The following PDXDC1 variants were observed in gnomAD, a reference collection of about 807,000 sequenced individuals.
PDXDC1 encodes pyridoxal-dependent decarboxylase domain-containing protein 1.
A neutral mutation model predicts 100.1 loss-of-function variants in PDXDC1; 42 were observed. The ratio of observed to expected loss-of-function variants is 0.42; its 90% CI spans 0.33 to 0.54. PDXDC1 has a LOEUF of 0.54. Among genes scored for constraint, PDXDC1 ranks in the 20% least tolerant of loss-of-function variants. The pLI, the probability that PDXDC1 is intolerant of heterozygous loss-of-function variation, is 0.10. For synonymous variants in PDXDC1, 260 were observed against 371.7 expected (o/e 0.70, Z 3.46); for missense variants, 636 against 979.2 (o/e 0.65, Z 4.68).
chr16:15,031,112 A>ATTTTT (rs771115923), intron 16 of PDXDC1, among the ~76,000 whole-genome samples: 1 of 73,958 alleles, frequency 1.4e-5, no homozygotes, highest in Non-Finnish European at 2.5e-5. Flanking sequence ...CACCACATCT[A>ATTTTT]TTTTTTTTTT....
At chr16:15,066,919 G>A (rs567617933) in intron 16 of PDXDC1, among the ~76,000 whole-genome samples, 1 of 151,652 alleles carries the variant, frequency 6.6e-6, no homozygotes, top group South Asian at 2.1e-4. Context: ...ACCCCAAATC[G>A]AGAGCCCCTG....
chr16:15,083,660 A>C, intron 16 of PDXDC1: 1 of 1,568,990 alleles, frequency 6.4e-7, no homozygotes, highest in Non-Finnish European at 8.7e-7. Flanking sequence ...TACCATTCTA[A>C]AAGCAAATAT....
intron 16 of PDXDC1, among the ~76,000 whole-genome samples, chr16:15,049,322 C>A (rs1353147834): frequency 6.6e-6 from 1 of 152,202 alleles, no homozygotes; most frequent in Non-Finnish European, 1.5e-5. Flanking sequence ...AGCCACCATA[C>A]CTGGCCTCCG....
At chr16:15,029,200 A>G in intron 15 of PDXDC1, 1 of 631,348 alleles carries the variant, frequency 1.6e-6, no homozygotes, top group South Asian at 1.9e-5. Flanking sequence ...GCTGCTGTAT[A>G]AGGCTGTGAG....
intron 12 of PDXDC1, among the ~76,000 whole-genome samples, chr16:15,021,578 G>A (rs1318263871): frequency 6.6e-5 from 10 of 152,282 alleles, no homozygotes; most frequent in Non-Finnish European, 1.0e-4. Flanking sequence ...TATGGAGTGC[G>A]GGAGAATGAT....
rs537883138 is a variant in PDXDC1 at position 15,097,430 on chromosome 16, C to T, written c.1400-41449C>T. 6.7e-5 allele frequency among the ~76,000 whole-genome samples: 9 copies of T among 134,132 alleles called. No homozygotes were observed. The South Asian group carries it at 2.1e-3, about 31-fold the overall frequency. 88.0% of individuals were successfully genotyped at this position (134,132 alleles called of 152,430 possible). ...ACGAGGTCAGGAGATCGAGACCATC[C>T]TGGCTAATGCGGTGAAACCCCGTCT... On this transcript the variant is annotated intron_variant, in intron 16 of 16. Coordinates refer to the PDXDC1 transcript ENST00000535621.
intron 4 of PDXDC1, among the ~76,000 whole-genome samples, chr16:15,002,365 A>G (rs1973343370): frequency 6.6e-6 from 1 of 152,292 alleles, no homozygotes; most frequent in African/African-American, 2.4e-5. Flanking sequence ...GTATTCTTCC[A>G]GAGAGATTTT....
the PDXDC1 span, among the ~76,000 whole-genome samples, chr16:15,146,620 G>C: frequency 6.6e-6 from 1 of 152,086 alleles, no homozygotes; most frequent in South Asian, 2.1e-4. Flanking sequence ...GGGTGCTGAG[G>C]GGTCCATAAG....
rs753140557 is a variant in PDXDC1, at chr16:15,130,374, A to G, written c.1400-8505A>G. On this transcript the variant is annotated intron_variant, in intron 16 of 16. Coordinates refer to the PDXDC1 transcript ENST00000535621. ...GAAGTACTGGCACAGGGACGTGTAC[A>G]GGCCCACGGACACCTCCAGCGCCGA... 13 of 1,572,410 alleles carry G rather than the reference A, an allele frequency of 8.3e-6. No homozygotes were observed. In the Admixed American group the frequency reaches 2.0e-4, roughly 25 times the overall value.
At chr16:15,093,943 C>A (rs996494094) in intron 16 of PDXDC1, 16 of 602,988 alleles carry the variant, frequency 2.7e-5, no homozygotes, top group Non-Finnish European at 4.4e-5. Flanking sequence ...GAACAGAGAA[C>A]ATAGTCACTT....
the PDXDC1 span, among the ~76,000 whole-genome samples, chr16:15,145,685 G>T: frequency 6.6e-6 from 1 of 152,276 alleles, no homozygotes; most frequent in East Asian, 1.9e-4. Flanking sequence ...GAGGACAGCT[G>T]CCAAGCCATG....
intron 16 of PDXDC1, chr16:15,074,951 A>C: frequency 7.6e-7 from 1 of 1,308,800 alleles, no homozygotes; most frequent in South Asian, 1.5e-5. Context: ...TATTTCCCTT[A>C]AAAGATAAAA....
At chr16:15,032,830 G>A (rs2043149097) in intron 17 of PDXDC1, 31 bp from the exon 18 acceptor site, 2 of 1,176,602 alleles carry the variant, frequency 1.7e-6, no homozygotes, top group Non-Finnish European at 2.6e-6. Flanking sequence ...GATCTTTTAA[G>A]CTGAAATGCT....
intron 8 of PDXDC1, among the ~76,000 whole-genome samples, chr16:15,011,643 T>C (rs201188269): frequency 6.8e-6 from 1 of 147,742 alleles, no homozygotes; most frequent in Non-Finnish European, 1.5e-5. Context: ...TTTTTTTTTT[T>C]TTTTTTTGTC....
Position 15,036,372 on chromosome 16 carries a change from C to A in PDXDC1, c.*97C>A. ...CTGTGCCACATACTAATATAAATTA[C>A]TGTTGTTTGTGCTTCACTGGGATTT... On this transcript the variant is annotated 3_prime_UTR_variant, in exon 23 of 23. Transcript: ENST00000396410. 1 of 1,211,730 alleles carries A rather than the reference C, an allele frequency of 8.3e-7. No individual in the cohort carries two copies. The highest frequency in any genetic ancestry group is 1.2e-6 in the Non-Finnish European group (1 of 857,306). The allele number at this position is 1,211,730 out of a possible 1,614,324, so 75.1% of individuals were successfully genotyped here. A position where few individuals can be genotyped will look rare whatever the true frequency, so the allele number is the denominator to read the frequency against.
Position 15,044,502 on chromosome 16 carries a change from C to A in PDXDC1, c.1399+14446C>A, listed in dbSNP as rs1458781286. On this transcript the variant is annotated intron_variant, in intron 16 of 16. Coordinates refer to the PDXDC1 transcript ENST00000535621. ...CTTTCATTCTCAGTTTCCATGAACA[C>A]TTGCTCTACAGCAGAGCTGCAGGTC... is the stretch of plus-strand genomic sequence containing the variant. The A allele has an allele frequency of 1.3e-5, 11 of 827,492 alleles. No homozygotes were observed. The East Asian group carries it at 2.6e-4, about 19-fold the overall frequency. The allele number at this position is 827,492 out of a possible 1,614,324, so 51.3% of individuals were successfully genotyped here.
intron 16 of PDXDC1, chr16:15,109,149 A>G (rs2046922221): frequency 6.7e-6 from 1 of 148,890 alleles, no homozygotes; most frequent in Admixed American, 6.8e-5. Context: ...CTCACATTTA[A>G]CAAAAAAAGA....
intron 3 of PDXDC1, among the ~76,000 whole-genome samples, chr16:15,001,255 G>A (rs150800772): frequency 0.016 from 2,380 of 152,164 alleles, 79 homozygotes; most frequent in African/African-American, 0.055. Context: ...TTGGGAGGCC[G>A]AGGAGGGTGG....
chr16:15,076,482 A>C (rs749108862), intron 16 of PDXDC1: 17 of 998,180 alleles, frequency 1.7e-5, no homozygotes, highest in Non-Finnish European at 2.8e-5. Context: ...TAAAGCCTTA[A>C]CAAAGATGAG....
Sources: gnomAD v4.1 joint callset for allele counts (sites outside exome capture counted in the v4.1 genomes callset) on GRCh38, gnomAD v4.1.1 for gene constraint, MANE v1.5 for transcripts, NCBI Gene and HGNC (gene_info 2026-07-23, HGNC 2026-07-21) for gene names.